TFAP2E: variants seen among roughly 807,000 people sequenced by gnomAD.
The protein encoded by TFAP2E is transcription factor AP-2 epsilon.
TFAP2E carries 30 observed loss-of-function variants against 37.9 expected under a neutral mutation model. The ratio of observed to expected loss-of-function variants is 0.79; its 90% CI spans 0.59 to 1.07. TFAP2E has a LOEUF of 1.07. TFAP2E is among the 50% of genes least tolerant of loss of function. TFAP2E has a pLI of 0.00. For synonymous variants in TFAP2E, 318 were observed against 295.8 expected, an observed-to-expected ratio of 1.08 and a Z score of -0.77; for missense variants, 567 against 637.9, an observed-to-expected ratio of 0.89 and a Z score of 1.20.
chr1:35,576,000 C>G (rs994669629), intron 3 of TFAP2E, among the ~76,000 whole-genome samples: 4 of 152,228 alleles, frequency 2.6e-5, no homozygotes, highest in Admixed American at 2.6e-4. Flanking sequence ...CATTGGGTAG[C>G]AGCCTCTTTA....
At chr1:35,584,350 G>T (rs1189966434) in intron 3 of TFAP2E, among the ~76,000 whole-genome samples, 1 of 151,828 alleles carries the variant, frequency 6.6e-6, no homozygotes, top group Non-Finnish European at 1.5e-5. Flanking sequence ...TGATCCTCCT[G>T]CCTCAGTTTC....
At position 35,588,214 on chromosome 1, in the gene TFAP2E, C is replaced by T; in HGVS notation, c.563-116C>T. 1 of 1,056,854 alleles carries T rather than the reference C, an allele frequency of 9.5e-7. No individual in the cohort carries two copies. Among genetic ancestry groups the T allele is most frequent in the Non-Finnish European group, 1.3e-6 (1 of 750,290 alleles). The allele number at this position is 1,056,854 out of a possible 1,614,324, so 65.5% of individuals were successfully genotyped here. ...ATCAGTTGAGGGAACTTGGGCGAGT[C>T]ACTTTCACCTCACTGTGGCTCAGTT... On this transcript the variant is annotated intron_variant, in intron 3 of 6. Transcript: ENST00000373235. The surrounding 1 kb of genome is among the most constrained non-coding windows in gnomAD (Gnocchi z 5.1).
Position 35,574,370 on chromosome 1 carries a change from TC to T in TFAP2E, c.473del (p.Pro158ArgfsTer20), listed in dbSNP as rs774537205. 2 of 1,443,510 alleles carry T rather than the reference TC, an allele frequency of 1.4e-6. No homozygotes were observed. The highest frequency in any genetic ancestry group is 1.8e-6 in the Non-Finnish European group (2 of 1,111,256). 89.4% of individuals were successfully genotyped at this position (1,443,510 alleles called of 1,614,324 possible). A position where few individuals can be genotyped will look rare whatever the true frequency, so the allele number is the denominator to read the frequency against. The part of the protein sequence containing the change: ...HGLADAPLGL[P>X]GLAAAPGLED... ...GCCTGGCAGACGCACCTCTCGGCCT[TC>T]CGGGGCTGGCGGCGGCCCCCGGTCT... On this transcript the variant is annotated frameshift_variant, in exon 2 of 7. Transcript: ENST00000373235. LOFTEE classifies it high-confidence loss of function.
rs1649615329 is a variant in TFAP2E, at chr1:35,590,108, GT to G, written c.904+61del. The G allele has an allele frequency of 1.3e-6, 2 of 1,512,572 alleles. No homozygotes were observed. Among genetic ancestry groups the G allele is most frequent in the Non-Finnish European group, 1.8e-6 (2 of 1,089,402 alleles). 93.7% of individuals were successfully genotyped at this position (1,512,572 alleles called of 1,614,324 possible). A position where few individuals can be genotyped will look rare whatever the true frequency, so the allele number is the denominator to read the frequency against. On this transcript the variant is annotated intron_variant, in intron 5 of 6. Coordinates refer to ENST00000373235, the MANE Select transcript of TFAP2E (RefSeq NM_178548.4). The surrounding 1 kb of genome is among the most constrained non-coding windows in gnomAD (Gnocchi z 6.2). ...TGTGAGGGCAAGTGAGTTGTCTGGT[GT>G]GACTGTCTCTAATGCAGGAGGGTGT...
chr1:35,574,568 G>T (rs1649114020), intron 2 of TFAP2E, 159 bp downstream of exon 2: 2 of 1,271,144 alleles, frequency 1.6e-6, no homozygotes, highest in African/African-American at 1.5e-5. Context: ...TGGGTTAGAC[G>T]TTGCCTGGCC....
At position 35,588,623 on chromosome 1, in the gene TFAP2E, G is replaced by A. The variant is rs1226674611; in HGVS notation, c.785+71G>A. ...CTCTTCAGGCCTTCTCAAGGCATCA[G>A]AGAGGAGGCCAGTCTCACCTAGGCC... On this transcript the variant is annotated intron_variant, in intron 4 of 6. Transcript: ENST00000373235. This position sits in a 1 kb window ranked among gnomAD's most constrained non-coding sequence, Gnocchi z 5.1. 2 of 1,447,744 alleles carry A rather than the reference G, an allele frequency of 1.4e-6. No homozygotes were observed. The highest frequency in any genetic ancestry group is 2.8e-5 in the African/African-American group (2 of 70,898). 89.7% of individuals were successfully genotyped at this position (1,447,744 alleles called of 1,614,324 possible).
chr1:35,573,621 CCGGGACATATT>C lies in TFAP2E; in HGVS notation c.27+21_27+31del. The stretch of plus-strand genomic sequence containing the variant: ...TCCGCCATGGTGAGTAGTCTCGGGC[CCGGGACATATT>C]CGGCCGGGGGATCGGGGCGCCTGAG... On this transcript the variant is annotated intron_variant, in intron 1 of 6. Coordinates refer to ENST00000373235, the MANE Select transcript of TFAP2E (RefSeq NM_178548.4). The surrounding 1 kb of genome is among the most constrained non-coding windows in gnomAD (Gnocchi z 5.9). 1 of 1,539,150 alleles carries C rather than the reference CCGGGACATATT, an allele frequency of 6.5e-7. No homozygotes were observed. Among genetic ancestry groups the C allele is most frequent in the Non-Finnish European group, 8.7e-7 (1 of 1,142,940 alleles).
Position 35,588,307 on chromosome 1 carries a change from C to G in TFAP2E, c.563-23C>G, listed in dbSNP as rs1017438241. ...GGGCTGTGTGCGGCAGCCACTGGCT[C>G]AGCGTTTCCCTCTTCTCCACAGTGC... is the stretch of plus-strand genomic sequence containing the variant. On this transcript the variant is annotated intron_variant, in intron 3 of 6. Transcript: ENST00000373235. This position sits in a 1 kb window ranked among gnomAD's most constrained non-coding sequence, Gnocchi z 5.1. 1 of 1,587,848 alleles carries G rather than the reference C, an allele frequency of 6.3e-7. No individual in the cohort carries two copies.
intron 6 of TFAP2E, among the ~76,000 whole-genome samples, chr1:35,593,549 A>C (rs1649745953): frequency 6.6e-6 from 1 of 152,196 alleles, no homozygotes; most frequent in Non-Finnish European, 1.5e-5. Context: ...TCAAGTGCCC[A>C]AGGCAGAAGA....
intron 6 of TFAP2E, among the ~76,000 whole-genome samples, chr1:35,593,316 G>GA (rs1206802957): frequency 1.3e-5 from 2 of 151,892 alleles, no homozygotes; most frequent in South Asian, 2.1e-4. Flanking sequence ...CCTTGTCTCG[G>GA]AAAAAAAAGA....
chr1:35,581,325 T>C (rs1649345204), intron 3 of TFAP2E, among the ~76,000 whole-genome samples: 1 of 152,228 alleles, frequency 6.6e-6, no homozygotes, highest in Non-Finnish European at 1.5e-5. Context: ...TTGGGTTGTT[T>C]CCACTTTTTA....
chr1:35,577,085 C>T lies in TFAP2E; in HGVS notation c.562+2085C>T, dbSNP rs1649200531. Among the ~76,000 whole-genome samples, 2 of 152,220 alleles carry T rather than the reference C, an allele frequency of 1.3e-5. No individual in the cohort carries two copies. The highest frequency in any genetic ancestry group is 6.5e-5 in the Admixed American group (1 of 15,294). Reference sequence around the variant, plus strand: ...CCCAGTGGAGCGAGTGGAGCGCTGGCGACCTGAGCGGAGACTGCGCCCTGG... The same window carrying T: ...CCCAGTGGAGCGAGTGGAGCGCTGGTGACCTGAGCGGAGACTGCGCCCTGG... On this transcript the variant is annotated intron_variant, in intron 3 of 6. Transcript: ENST00000373235. The surrounding 1 kb of genome is among the most constrained non-coding windows in gnomAD (Gnocchi z 6.3).
At chr1:35,587,111 C>T (rs151011547) in intron 3 of TFAP2E, among the ~76,000 whole-genome samples, 4 of 152,270 alleles carry the variant, frequency 2.6e-5, no homozygotes, top group African/African-American at 9.6e-5. Context: ...GCAGTGAGTG[C>T]TCAGTAGCTG....
chr1:35,579,410 A>G (rs1649281848), intron 3 of TFAP2E, among the ~76,000 whole-genome samples: 1 of 151,602 alleles, frequency 6.6e-6, no homozygotes. Context: ...AAAAAAAAAA[A>G]TCTTTTTTTT....
intron 3 of TFAP2E, among the ~76,000 whole-genome samples, chr1:35,576,619 TC>T (rs1333905755): frequency 6.6e-6 from 1 of 152,076 alleles, no homozygotes; most frequent in Non-Finnish European, 1.5e-5. Flanking sequence ...GGTTTGGGGA[TC>T]TCTGCCCTGC....
rs1649789454 is a variant in TFAP2E, at chr1:35,594,932, G to C, written c.*256G>C. The C allele has an allele frequency of 1.8e-6, 1 of 543,694 alleles. No individual in the cohort carries two copies. Among genetic ancestry groups the C allele is most frequent in the Non-Finnish European group, 3.2e-6 (1 of 309,442 alleles). The allele number at this position is 543,694 out of a possible 1,614,324, so 33.7% of individuals were successfully genotyped here. ...TTCTGACCTTTGATGGTTGAGAAGG[G>C]TTTGGACAGAAAATTGACATGAAAA... On this transcript the variant is annotated 3_prime_UTR_variant, in exon 7 of 7. Coordinates refer to ENST00000373235, the MANE Select transcript of TFAP2E (RefSeq NM_178548.4).
rs141350495 is a variant in TFAP2E at position 35,590,037 on chromosome 1, C to T, written c.893C>T (p.Ser298Leu). 6.9e-5 allele frequency: 111 copies of T among 1,613,806 alleles called. No homozygotes were observed. The highest frequency in any genetic ancestry group is 3.3e-4 in the Middle Eastern group (2 of 6,082). Reference protein sequence around the residue: ...RKAANVTLLTSLVEGEAVHLA... With the variant: ...RKAANVTLLTLLVEGEAVHLA... ...GCCGCCAATGTGACGCTGCTGACTT[C>T]GCTAGTGGAAGGTGAGTGAGGCCTG... The change falls in exon 5 of 7, where the codon TCG becomes TTG. Residue 298 changes from serine to leucine, a missense_variant. Around this residue, in one of 3 missense-constraint regions of TFAP2E, gnomAD observed 252 missense variants for 302.6 expected, o/e 0.83. Transcript: ENST00000373235. This position sits in a 1 kb window ranked among gnomAD's most constrained non-coding sequence, Gnocchi z 6.2.
rs1486294015 is a variant in TFAP2E, at chr1:35,573,649, G to GC, written c.27+46dup. 1.9e-5 allele frequency: 29 copies of GC among 1,535,258 alleles called. No homozygotes were observed. The highest frequency in any genetic ancestry group is 2.5e-5 in the Non-Finnish European group (28 of 1,141,184). On this transcript the variant is annotated intron_variant, in intron 1 of 6. Coordinates refer to ENST00000373235, the MANE Select transcript of TFAP2E (RefSeq NM_178548.4). This position sits in a 1 kb window ranked among gnomAD's most constrained non-coding sequence, Gnocchi z 5.9. ...GGACATATTCGGCCGGGGGATCGGGGCGCCTGAGTGCTGGACTTTCCAACC... is the reference window on the plus strand; with the variant it reads ...GGACATATTCGGCCGGGGGATCGGGGCCGCCTGAGTGCTGGACTTTCCAACC...
chr1:35,587,886 G>A (rs1256783369), intron 3 of TFAP2E, among the ~76,000 whole-genome samples: 2 of 152,116 alleles, frequency 1.3e-5, no homozygotes, highest in African/African-American at 4.8e-5. Context: ...CCTCACCGAT[G>A]CAGGGGTGAG....
Sources: gnomAD v4.1 joint callset for allele counts (sites outside exome capture counted in the v4.1 genomes callset) on GRCh38, gnomAD v4.1.1 for gene constraint, gnomAD v4.1.1 regional missense constraint, Gnocchi (gnomAD v3.1) non-coding constraint, MANE v1.5 for transcripts, NCBI Gene and HGNC (gene_info 2026-07-23, HGNC 2026-07-21) for gene names.